Variants in VIT observed in about 807,000 individuals in gnomAD.
VIT encodes vitrin.
Under a neutral mutation model 78.0 loss-of-function variants are expected in VIT, and 99 were observed. The ratio of observed to expected loss-of-function variants is 1.27; its 90% CI spans 1.08 to 1.50. The LOEUF is 1.50. Among genes scored for constraint, VIT ranks in the 40% most tolerant of loss-of-function variants. The pLI is 0.00. For missense variants in VIT, 1,126 were observed against 875.3 expected, an observed-to-expected ratio of 1.29 and a Z score of -3.61; for synonymous variants, 374 against 334.3, an observed-to-expected ratio of 1.12 and a Z score of -1.29.
At chr2:36,779,350 G>A (rs767269078) in intron 9 of VIT, among the ~76,000 whole-genome samples, 9 of 152,320 alleles carry the variant, frequency 5.9e-5, no homozygotes, top group East Asian at 1.9e-4. Context: ...GACTTAATAC[G>A]TAGAAAGTGC....
chr2:36,722,677 T>C (rs750342949), intron 2 of VIT, among the ~76,000 whole-genome samples: 11 of 152,220 alleles, frequency 7.2e-5, no homozygotes, highest in Non-Finnish European at 1.2e-4. Flanking sequence ...TGGGCTAGAA[T>C]GAGGCATGCT....
intron 4 of VIT, among the ~76,000 whole-genome samples, chr2:36,747,163 A>T (rs1251832545): frequency 5.3e-5 from 8 of 152,222 alleles, no homozygotes; most frequent in Admixed American, 1.3e-4. Flanking sequence ...TTCCAAGAGT[A>T]TGATTGGTGT....
At chr2:36,715,048 T>A (rs1469807492) in intron 1 of VIT, among the ~76,000 whole-genome samples, 2 of 152,220 alleles carry the variant, frequency 1.3e-5, no homozygotes, top group African/African-American at 4.8e-5. Context: ...TATTTCTGCA[T>A]GTTCAAAGTC....
chr2:36,722,080 A>T (rs1666548657), intron 2 of VIT, among the ~76,000 whole-genome samples: 1 of 152,242 alleles, frequency 6.6e-6, no homozygotes, highest in Non-Finnish European at 1.5e-5. Flanking sequence ...CCATCCAAGG[A>T]TCCCTCAAAA....
intron 1 of VIT, among the ~76,000 whole-genome samples, chr2:36,709,740 T>C (rs1203321889): frequency 1.3e-5 from 2 of 151,674 alleles, no homozygotes; most frequent in Non-Finnish European, 2.9e-5. Flanking sequence ...ACATGCAGAG[T>C]GTGGAGAAAA....
At chr2:36,793,190 C>G (rs1339710697) in intron 12 of VIT, among the ~76,000 whole-genome samples, 12 of 152,124 alleles carry the variant, frequency 7.9e-5, no homozygotes, top group Admixed American at 6.5e-4. Flanking sequence ...GAGTGGCTCT[C>G]AGATCAGCAT....
intron 1 of VIT, among the ~76,000 whole-genome samples, chr2:36,701,532 T>C (rs898909174): frequency 1.3e-5 from 2 of 152,238 alleles, no homozygotes; most frequent in African/African-American, 4.8e-5. Flanking sequence ...AACTTCTGTG[T>C]GGACGTGTGG....
chr2:36,767,725 A>G (rs1669520056), intron 7 of VIT, among the ~76,000 whole-genome samples: 1 of 152,166 alleles, frequency 6.6e-6, no homozygotes, highest in Non-Finnish European at 1.5e-5. Context: ...TTGTCTTACT[A>G]CTTTTACCCA....
chr2:36,713,871 T>C (rs1558507592), intron 1 of VIT, among the ~76,000 whole-genome samples: 3 of 152,186 alleles, frequency 2.0e-5, no homozygotes, highest in African/African-American at 2.4e-5. Flanking sequence ...ATTTATCCAA[T>C]AGGAAAGTTA....
rs761963278 is a variant in VIT, at chr2:36,808,556, C to T, written c.1474C>T (p.Arg492Trp). The change falls in exon 15 of 16, where the codon CGG becomes TGG. Residue 492 changes from arginine (R) to tryptophan (W), a missense_variant. Physicochemically the swap from Arg to Trp is moderately radical, Grantham distance 101 (BLOSUM62 -3). Transcript: ENST00000379242. The part of the protein sequence containing the change: ...LHKTLQPLVK[R>W]VCDTDRLACS... The stretch of plus-strand genomic sequence containing the variant: ...CAAGACCCTGCAGCCTCTGGTGAAG[C>T]GGGTCTGCGACACTGACCGCCTGGC... 1 of 1,614,106 alleles carries T rather than the reference C, an allele frequency of 6.2e-7. No individual in the cohort carries two copies. Among genetic ancestry groups the T allele is most frequent in the Non-Finnish European group, 8.5e-7 (1 of 1,180,030 alleles).
At chr2:36,795,214 G>A (rs929675961) in intron 12 of VIT, among the ~76,000 whole-genome samples, 1 of 152,048 alleles carries the variant, frequency 6.6e-6, no homozygotes, top group Non-Finnish European at 1.5e-5. Context: ...AAATTTATTT[G>A]TAATCTCAAA....
intron 3 of VIT, 104 bp from the exon 4 acceptor site, chr2:36,742,996 C>A: frequency 6.8e-7 from 1 of 1,461,176 alleles, no homozygotes; most frequent in Non-Finnish European, 9.3e-7. Context: ...TCGGCCCAGG[C>A]TCTGGCTTTT....
intron 4 of VIT, among the ~76,000 whole-genome samples, chr2:36,750,638 T>C (rs1389736788): frequency 1.3e-5 from 2 of 151,768 alleles, no homozygotes; most frequent in African/African-American, 2.4e-5. Flanking sequence ...CTGGCCAACA[T>C]GGTGAAACCC....
intron 5 of VIT, among the ~76,000 whole-genome samples, chr2:36,758,016 C>T (rs544798530): frequency 1.3e-5 from 2 of 152,172 alleles, no homozygotes; most frequent in Non-Finnish European, 2.9e-5. Context: ...CCTCCACCCA[C>T]CTAGGTTCTC....
chr2:36,759,697 C>T (rs1413408980), intron 6 of VIT: 4 of 985,256 alleles, frequency 4.1e-6, no homozygotes, highest in Non-Finnish European at 3.6e-6. Context: ...TGCATTGCTT[C>T]CAGAAACTTG....
intron 9 of VIT, among the ~76,000 whole-genome samples, chr2:36,777,295 G>C (rs895893402): frequency 4.0e-5 from 6 of 151,626 alleles, no homozygotes; most frequent in African/African-American, 1.5e-4. Flanking sequence ...GAGAACCTTT[G>C]AGAGTGCCTT....
intron 12 of VIT, among the ~76,000 whole-genome samples, chr2:36,793,110 C>G (rs1665622285): frequency 6.6e-6 from 1 of 152,108 alleles, no homozygotes; most frequent in Non-Finnish European, 1.5e-5. Context: ...CAAGATGCCC[C>G]ACTTCCCCAA....
At chr2:36,809,081 G>T (rs992846545) in intron 15 of VIT, 96 bp downstream of exon 15, 9 of 1,461,226 alleles carry the variant, frequency 6.2e-6, no homozygotes, top group African/African-American at 2.8e-5. Context: ...TTATGCATTG[G>T]TTTTTTCTGC....
At chr2:36,743,296 A>G in intron 4 of VIT, 40 bp downstream of exon 4, 1 of 1,528,640 alleles carries the variant, frequency 6.5e-7, no homozygotes, top group South Asian at 1.3e-5. Context: ...ACTAGAAATC[A>G]GGGTGTTGGC....
Sources: allele counts gnomAD v4.1 joint callset (sites outside exome capture counted in the v4.1 genomes callset), GRCh38; gene constraint gnomAD v4.1.1; transcripts MANE v1.5; gene names NCBI Gene and HGNC (gene_info 2026-07-23, HGNC 2026-07-21).